The following ARHGAP12 variants were observed in gnomAD, a reference collection of about 807,000 sequenced individuals.
The protein encoded by ARHGAP12 is Rho GTPase activating protein 12.
A neutral mutation model predicts 108.6 loss-of-function variants in ARHGAP12; 64 were observed. The ratio of observed to expected loss-of-function variants is 0.59; its 90% CI spans 0.48 to 0.73. The LOEUF (loss-of-function observed/expected upper bound fraction) is 0.73. ARHGAP12 is among the 30% of genes least tolerant of loss of function. ARHGAP12 has a pLI of 0.00. For synonymous variants in ARHGAP12, 312 were observed against 337.2 expected (o/e 0.93, Z 0.82); for missense variants, 940 against 1,005.9 (o/e 0.93, Z 0.89).
Position 31,809,006 on chromosome 10 carries a change from CA to C in ARHGAP12, c.2250del (p.Phe750LeufsTer19), listed in dbSNP as rs755346956. ...PLFTFNHFND[F>X]VNAIKQEPRQ... Reference sequence around the variant, plus strand: ...ATTACATACTTACTAATTGCATTAACAAAATCATTAAAATGATTAAATGTAA... The same window carrying C: ...ATTACATACTTACTAATTGCATTAACAAATCATTAAAATGATTAAATGTAA... On this transcript the variant is annotated frameshift_variant, in exon 18 of 20. Coordinates refer to ENST00000344936, the MANE Select transcript of ARHGAP12 (RefSeq NM_018287.7). LOFTEE classifies it high-confidence loss of function. 1 of 1,584,870 alleles carries C rather than the reference CA, an allele frequency of 6.3e-7. No individual in the cohort carries two copies. The highest frequency in any genetic ancestry group is 1.4e-5 in the African/African-American group (1 of 73,746).
intron 1 of ARHGAP12, among the ~76,000 whole-genome samples, chr10:31,917,953 CT>C (rs112078074): frequency 0.13 from 19,749 of 146,764 alleles, 1,381 homozygotes; most frequent in Non-Finnish European, 0.17. Context: ...TATCAAATAC[CT>C]TTTTTTTTTT....
In ARHGAP12 at chr10:31,831,740, G is replaced by C; in HGVS notation, c.1447C>G (p.Arg483Gly). The change falls in exon 10 of 20, where the codon CGA becomes GGA. Residue 483 changes from arginine to glycine, a missense_variant and splice_region_variant. By Grantham distance (125) the Arg-to-Gly change is moderately radical. Coordinates refer to ENST00000344936, the MANE Select transcript of ARHGAP12 (RefSeq NM_018287.7). ...AACATTAAAGACTTGTGTACTTACC[G>C]AACCTTTTTCCCATTTTCAGCAATT... ...TKIAENGKKV[R>G]KNWLSSWAVL... 1 of 1,570,930 alleles carries C rather than the reference G, an allele frequency of 6.4e-7. No individual in the cohort carries two copies. The highest frequency in any genetic ancestry group is 8.7e-7 in the Non-Finnish European group (1 of 1,144,666).
intron 3 of ARHGAP12, among the ~76,000 whole-genome samples, chr10:31,880,250 C>CA (rs1237154474): frequency 6.6e-6 from 1 of 152,058 alleles, no homozygotes; most frequent in African/African-American, 2.4e-5. Context: ...AAATGTTTAA[C>CA]AAAACATGAA....
chr10:31,808,973 T>C lies in ARHGAP12; in HGVS notation c.2263+21A>G, dbSNP rs565552467. ...AGAATTTTCAATATCTAGAAAAAACTGAGTAGAATTACATACTTACTAATT... is the reference window on the plus strand; with the variant it reads ...AGAATTTTCAATATCTAGAAAAAACCGAGTAGAATTACATACTTACTAATT... On this transcript the variant is annotated intron_variant, in intron 18 of 19. Transcript: ENST00000344936. 1.3e-4 allele frequency: 197 copies of C among 1,544,376 alleles called. 2 individuals are homozygous for C. In the South Asian group the frequency reaches 2.2e-3, roughly 18 times the overall value.
intron 9 of ARHGAP12, among the ~76,000 whole-genome samples, chr10:31,839,095 A>G (rs2808097): frequency 0.75 from 114,390 of 152,050 alleles, 43,639 homozygotes; most frequent in African/African-American, 0.87. Flanking sequence ...AAGACTGGGA[A>G]TGAGTATAAA....
intron 6 of ARHGAP12, among the ~76,000 whole-genome samples, chr10:31,846,899 A>ATTTTTTTTTTTTTTTT (rs377177944): frequency 1.2e-5 from 1 of 84,630 alleles, no homozygotes; most frequent in Non-Finnish European, 2.3e-5. Context: ...GGCACTGTTC[A>ATTTTTTTTTTTTTTTT]TTTTTTTTTT....
At chr10:31,884,380 C>A (rs1164695273) in intron 3 of ARHGAP12, among the ~76,000 whole-genome samples, 3 of 149,950 alleles carry the variant, frequency 2.0e-5, no homozygotes, top group Non-Finnish European at 1.5e-5. Context: ...TGCCTGGATT[C>A]TCACATCTGC....
chr10:31,837,966 G>A (rs1352251191), intron 9 of ARHGAP12, among the ~76,000 whole-genome samples: 1 of 152,140 alleles, frequency 6.6e-6, no homozygotes, highest in Non-Finnish European at 1.5e-5. Flanking sequence ...GTCTGGTGGG[G>A]AAGACAGACA....
intron 7 of ARHGAP12, among the ~76,000 whole-genome samples, chr10:31,842,574 CTT>C (rs1836309184): frequency 6.6e-6 from 1 of 151,962 alleles, no homozygotes; most frequent in South Asian, 2.1e-4. Flanking sequence ...TTTATAGTAA[CTT>C]GTAGTACCAA....
chr10:31,915,366 A>G (rs930428355), intron 1 of ARHGAP12, among the ~76,000 whole-genome samples: 2 of 151,424 alleles, frequency 1.3e-5, no homozygotes, highest in African/African-American at 4.9e-5. Context: ...AGCCTGGGCA[A>G]CAACAGTGAA....
At chr10:31,915,871 G>C (rs1330251309) in intron 1 of ARHGAP12, among the ~76,000 whole-genome samples, 1 of 152,072 alleles carries the variant, frequency 6.6e-6, no homozygotes, top group Non-Finnish European at 1.5e-5. Context: ...TAAAACTTTA[G>C]ATCTAGGTAA....
At chr10:31,832,703 T>G (rs1835878038) in intron 9 of ARHGAP12, among the ~76,000 whole-genome samples, 1 of 152,228 alleles carries the variant, frequency 6.6e-6, no homozygotes, top group South Asian at 2.1e-4. Context: ...TCCCCAATTC[T>G]ATTTAACTGA....
intron 1 of ARHGAP12, among the ~76,000 whole-genome samples, chr10:31,927,823 T>C (rs1840112097): frequency 1.3e-5 from 2 of 152,218 alleles, no homozygotes; most frequent in African/African-American, 4.8e-5. Context: ...TCAAAGGGTC[T>C]GCAGTCACTT....
intron 6 of ARHGAP12, among the ~76,000 whole-genome samples, chr10:31,843,863 G>C (rs1293643903): frequency 6.6e-6 from 1 of 151,944 alleles, no homozygotes; most frequent in Non-Finnish European, 1.5e-5. Flanking sequence ...ACTGTAAAGT[G>C]GATATAACAG....
chr10:31,812,453 T>C (rs1835056538), intron 15 of ARHGAP12, among the ~76,000 whole-genome samples: 1 of 152,194 alleles, frequency 6.6e-6, no homozygotes, highest in South Asian at 2.1e-4. Context: ...CTGCCACCCA[T>C]CACATCCATG....
chr10:31,897,388 C>T (rs1221701378), intron 3 of ARHGAP12, among the ~76,000 whole-genome samples: 1 of 152,120 alleles, frequency 6.6e-6, no homozygotes, highest in Non-Finnish European at 1.5e-5. Flanking sequence ...AGATTTAATC[C>T]TAACAGAACA....
At chr10:31,911,305 T>C (rs1462242922) in intron 1 of ARHGAP12, among the ~76,000 whole-genome samples, 2 of 152,220 alleles carry the variant, frequency 1.3e-5, no homozygotes, top group Non-Finnish European at 2.9e-5. Flanking sequence ...ATTATAGGCA[T>C]GAGCCACCGC....
intron 10 of ARHGAP12, among the ~76,000 whole-genome samples, chr10:31,830,748 A>G (rs1835801201): frequency 6.6e-6 from 1 of 152,224 alleles, no homozygotes; most frequent in Non-Finnish European, 1.5e-5. Context: ...AATCCAATAG[A>G]AAAACAGACA....
intron 1 of ARHGAP12, among the ~76,000 whole-genome samples, chr10:31,921,336 T>C (rs1839796353): frequency 6.6e-6 from 1 of 152,042 alleles, no homozygotes; most frequent in African/African-American, 2.4e-5. Flanking sequence ...AAACATGTAA[T>C]TTCAAAATTT....
Sources: allele counts gnomAD v4.1 joint callset (sites outside exome capture counted in the v4.1 genomes callset), GRCh38; gene constraint gnomAD v4.1.1; transcripts MANE v1.5; gene names NCBI Gene and HGNC (gene_info 2026-07-23, HGNC 2026-07-21).